B3GALT1: variants seen among roughly 807,000 people sequenced by gnomAD.
B3GALT1 encodes the protein beta-1,3-galactosyltransferase 1.
In B3GALT1, 10 loss-of-function variants were observed where a neutral mutation model predicts 23.2. The ratio of observed to expected loss-of-function variants is 0.43; its 90% CI spans 0.27 to 0.73. B3GALT1 has a LOEUF of 0.73. Ranked by LOEUF, B3GALT1 falls within the 30% of genes least tolerant of loss-of-function variation. B3GALT1 has a pLI of 0.21. For synonymous variants in B3GALT1, 156 were observed against 141.5 expected, an observed-to-expected ratio of 1.10 and a Z score of -0.73; for missense variants, 299 against 405.4, an observed-to-expected ratio of 0.74 and a Z score of 2.25.
chr2:167,423,615 G>A (rs549155448), intron 1 of B3GALT1, among the ~76,000 whole-genome samples: 8 of 152,280 alleles, frequency 5.3e-5, no homozygotes, highest in Middle Eastern at 6.8e-3. Flanking sequence ...TTCTGCTCAT[G>A]ATTTGTTGTC....
At chr2:167,409,850 A>G (rs1162642625) in intron 1 of B3GALT1, among the ~76,000 whole-genome samples, 1 of 152,012 alleles carries the variant, frequency 6.6e-6, no homozygotes, top group Non-Finnish European at 1.5e-5. Context: ...TAGTTCAACC[A>G]TTGTGGAAGA....
chr2:167,653,731 A>G (rs1350115558), intron 3 of B3GALT1, among the ~76,000 whole-genome samples: 1 of 152,056 alleles, frequency 6.6e-6, no homozygotes, highest in African/African-American at 2.4e-5. Flanking sequence ...GAGTCTCCTT[A>G]ACACCACAAG....
rs536995567 is a variant in B3GALT1 at position 167,840,863 on chromosome 2, C to A, written c.-230+22070C>A. ...ATGCAGCCATAAAAAATGATGAGTTCATGTCCTTTGTAGGGACATGGATGA... is the reference window on the plus strand; with the variant it reads ...ATGCAGCCATAAAAAATGATGAGTTAATGTCCTTTGTAGGGACATGGATGA... On this transcript the variant is annotated intron_variant, in intron 4 of 4. Transcript: ENST00000392690. 8.3e-4 allele frequency among the ~76,000 whole-genome samples: 122 copies of A among 147,018 alleles called. 1 individual carries two copies. Among genetic ancestry groups the A allele is most frequent in the African/African-American group, 2.8e-3 (108 of 38,420 alleles).
At chr2:167,788,577 G>A (rs1374442204) in intron 3 of B3GALT1, among the ~76,000 whole-genome samples, 1 of 152,048 alleles carries the variant, frequency 6.6e-6, no homozygotes, top group Non-Finnish European at 1.5e-5. Context: ...CTTCTGATCT[G>A]ACAGGAGGAG....
At chr2:167,511,337 TG>T (rs1182947312) in intron 2 of B3GALT1, among the ~76,000 whole-genome samples, 2 of 152,176 alleles carry the variant, frequency 1.3e-5, no homozygotes, top group Admixed American at 6.5e-5. Flanking sequence ...CTTCTGTTCT[TG>T]TGATATGGAA....
chr2:167,873,248 T>C lies in B3GALT1; in HGVS notation c.*3228T>C, dbSNP rs192215503. The C allele has an allele frequency of 4.6e-5, 7 of 152,226 alleles. No homozygotes were observed. Among genetic ancestry groups the C allele is most frequent in the African/African-American group, 1.4e-4 (6 of 41,472 alleles). The allele number at this position is 152,226 out of a possible 1,614,324, so 9.4% of individuals were successfully genotyped here. A position where few individuals can be genotyped will look rare whatever the true frequency, so the allele number is the denominator to read the frequency against. Reference sequence around the variant, plus strand: ...AAGTTCCTTTTTTTAATTTACTTTTTGGAAAAACGTTTCTCTTTGGTGGCT... The same window carrying C: ...AAGTTCCTTTTTTTAATTTACTTTTCGGAAAAACGTTTCTCTTTGGTGGCT... On this transcript the variant is annotated 3_prime_UTR_variant, in exon 5 of 5. Coordinates refer to ENST00000392690, the MANE Select transcript of B3GALT1 (RefSeq NM_020981.4).
chr2:167,703,108 C>T (rs557645485), intron 3 of B3GALT1, among the ~76,000 whole-genome samples: 1 of 152,318 alleles, frequency 6.6e-6, no homozygotes, highest in South Asian at 2.1e-4. Context: ...GGTGTTTTAC[C>T]TGACAGATAC....
chr2:167,434,346 T>A (rs572082227), intron 1 of B3GALT1, among the ~76,000 whole-genome samples: 43 of 152,260 alleles, frequency 2.8e-4, no homozygotes, highest in Non-Finnish European at 5.3e-4. Flanking sequence ...TAGGAAGACT[T>A]CCACATCAAC....
At chr2:167,808,772 T>C (rs903836320) in intron 3 of B3GALT1, among the ~76,000 whole-genome samples, 2 of 152,154 alleles carry the variant, frequency 1.3e-5, no homozygotes, top group African/African-American at 4.8e-5. Flanking sequence ...TTGGAGTTGC[T>C]CTTCTCAAGG....
chr2:167,463,004 T>C (rs1326715898), intron 1 of B3GALT1, among the ~76,000 whole-genome samples: 2 of 152,134 alleles, frequency 1.3e-5, no homozygotes, highest in African/African-American at 4.8e-5. Context: ...TGAGAACGTA[T>C]CTGTTAATGA....
At chr2:167,545,842 A>G (rs369410946) in intron 2 of B3GALT1, among the ~76,000 whole-genome samples, 13 of 152,314 alleles carry the variant, frequency 8.5e-5, no homozygotes, top group African/African-American at 2.9e-4. Context: ...CTTGGAACCC[A>G]AAGTGTTTTG....
At chr2:167,861,867 C>G (rs1408974778) in intron 4 of B3GALT1, among the ~76,000 whole-genome samples, 2 of 152,208 alleles carry the variant, frequency 1.3e-5, no homozygotes, top group Non-Finnish European at 2.9e-5. Context: ...TACCAGCTCA[C>G]TGCCTGGCAC....
At chr2:167,837,311 C>T (rs1333704389) in intron 4 of B3GALT1, among the ~76,000 whole-genome samples, 1 of 151,494 alleles carries the variant, frequency 6.6e-6, no homozygotes, top group African/African-American at 2.4e-5. Context: ...CACATAGGCT[C>T]AAAACAAAAG....
At chr2:167,803,604 G>A (rs149677121) in intron 3 of B3GALT1, among the ~76,000 whole-genome samples, 2 of 152,222 alleles carry the variant, frequency 1.3e-5, no homozygotes, top group East Asian at 1.9e-4. Flanking sequence ...CTGCAGAGCC[G>A]CATCAAGACA....
intron 1 of B3GALT1, among the ~76,000 whole-genome samples, chr2:167,383,962 TA>T (rs1376419538): frequency 2.6e-5 from 4 of 152,244 alleles, no homozygotes; most frequent in Non-Finnish European, 5.9e-5. Context: ...TAACACTTTC[TA>T]AAGTTGATGT....
intron 2 of B3GALT1, among the ~76,000 whole-genome samples, chr2:167,496,326 A>C (rs1699782564): frequency 6.6e-6 from 1 of 152,150 alleles, no homozygotes; most frequent in Non-Finnish European, 1.5e-5. Flanking sequence ...TTGGCCTTAC[A>C]GTGAAGGTTT....
chr2:167,534,562 TTC>T (rs764596380), intron 2 of B3GALT1, among the ~76,000 whole-genome samples: 1 of 152,166 alleles, frequency 6.6e-6, no homozygotes, highest in Non-Finnish European at 1.5e-5. Context: ...AAAAATATTT[TTC>T]TAAATTAGGA....
chr2:167,674,097 G>C (rs957517019), intron 3 of B3GALT1, among the ~76,000 whole-genome samples: 1 of 152,048 alleles, frequency 6.6e-6, no homozygotes, highest in Admixed American at 6.6e-5. Context: ...ACATGAACTA[G>C]TAGTTACCAG....
intron 3 of B3GALT1, among the ~76,000 whole-genome samples, chr2:167,762,589 A>AT (rs1262295527): frequency 6.6e-6 from 1 of 151,958 alleles, no homozygotes; most frequent in African/African-American, 2.4e-5. Context: ...ATAAAAAAAA[A>AT]AAAAAAACAC....
Sources: gnomAD v4.1 joint callset for allele counts (sites outside exome capture counted in the v4.1 genomes callset) on GRCh38, gnomAD v4.1.1 for gene constraint, MANE v1.5 for transcripts, NCBI Gene and HGNC (gene_info 2026-07-23, HGNC 2026-07-21) for gene names.